Variants in SAMMSON observed in about 807,000 individuals in gnomAD.
SAMMSON encodes long intergenic non-protein coding RNA 1212.
chr3:70,033,110 C>T (rs1410940411), intron 3 of SAMMSON, among the ~76,000 whole-genome samples: 1 of 152,066 alleles, frequency 6.6e-6, no homozygotes, highest in East Asian at 1.9e-4. Flanking sequence ...GGGATGGAAG[C>T]CAATTGACTT....
chr3:70,208,512 T>A (rs988383749), intron 4 of SAMMSON, among the ~76,000 whole-genome samples: 12 of 152,084 alleles, frequency 7.9e-5, no homozygotes, highest in Non-Finnish European at 1.3e-4. Flanking sequence ...TCAGAATTTT[T>A]AAAGCTCTGG....
At chr3:70,277,611 A>G (rs1201964145) in intron 6 of SAMMSON, among the ~76,000 whole-genome samples, 1 of 152,208 alleles carries the variant, frequency 6.6e-6, no homozygotes, top group African/African-American at 2.4e-5. Flanking sequence ...GTCATACTTC[A>G]AAACTGCTAC....
intron 4 of SAMMSON, among the ~76,000 whole-genome samples, chr3:70,154,866 C>A (rs551446374): frequency 6.6e-6 from 1 of 151,938 alleles, no homozygotes; most frequent in Admixed American, 6.6e-5. Flanking sequence ...TCCCCAGGGA[C>A]AACTTAAATA....
chr3:70,276,770 G>A (rs1282116160), intron 6 of SAMMSON, among the ~76,000 whole-genome samples: 1 of 152,148 alleles, frequency 6.6e-6, no homozygotes, highest in Non-Finnish European at 1.5e-5. Flanking sequence ...TGGCAGAATT[G>A]AATAGTTGTG....
intron 4 of SAMMSON, among the ~76,000 whole-genome samples, chr3:70,215,777 A>T (rs2106732778): frequency 6.6e-6 from 1 of 152,240 alleles, no homozygotes; most frequent in Middle Eastern, 3.4e-3. Flanking sequence ...CAAGTAATAA[A>T]TACATTTTAG....
At chr3:70,024,985 G>A (rs2067031770) in intron 3 of SAMMSON, 1 of 152,174 alleles carries the variant, frequency 6.6e-6, no homozygotes, top group Admixed American at 6.5e-5. Context: ...CATTCTTGGT[G>A]AAAGGGGAGA....
At chr3:70,114,276 G>A (rs1005986783) in intron 4 of SAMMSON, among the ~76,000 whole-genome samples, 8 of 152,148 alleles carry the variant, frequency 5.3e-5, no homozygotes, top group African/African-American at 1.9e-4. Context: ...GTTTTGTGGA[G>A]CATTGCAATG....
At chr3:70,083,856 AT>A (rs1375863477) in intron 4 of SAMMSON, among the ~76,000 whole-genome samples, 1 of 151,928 alleles carries the variant, frequency 6.6e-6, no homozygotes, top group Non-Finnish European at 1.5e-5. Context: ...TGCATGATTC[AT>A]TTTGTTGTCT....
At chr3:70,246,381 A>G (rs1701708621) in intron 4 of SAMMSON, among the ~76,000 whole-genome samples, 1 of 152,110 alleles carries the variant, frequency 6.6e-6, no homozygotes, top group Non-Finnish European at 1.5e-5. Flanking sequence ...TTGTAAACAC[A>G]AGACCAAGTA....
At position 70,312,032 on chromosome 3, in the gene SAMMSON, T is replaced by C. The variant is rs1222066471; in HGVS notation, n.739+20789T>C. ...TCATTAAGAACCCAAATTTATAACA[T>C]CGAGTTTTATATTTAGAAACTACTG... On this transcript the variant is annotated intron_variant and non_coding_transcript_variant, in intron 7 of 9. Coordinates refer to ENST00000642114, the Ensembl canonical transcript of SAMMSON. The C allele has an allele frequency of 1.0e-5, 4 of 396,694 alleles. No homozygotes were observed. In the East Asian group the frequency reaches 1.1e-4, roughly 11 times the overall value. 24.6% of individuals were successfully genotyped at this position (396,694 alleles called of 1,614,324 possible). A position where few individuals can be genotyped will look rare whatever the true frequency, so the allele number is the denominator to read the frequency against.
At chr3:70,216,454 CAT>C (rs1178004145) in intron 4 of SAMMSON, among the ~76,000 whole-genome samples, 1 of 151,910 alleles carries the variant, frequency 6.6e-6, no homozygotes, top group Non-Finnish European at 1.5e-5. Context: ...CCATTTTTCA[CAT>C]GAGGACACAG....
At chr3:70,049,104 A>G (rs1307021545) in intron 3 of SAMMSON, among the ~76,000 whole-genome samples, 2 of 152,192 alleles carry the variant, frequency 1.3e-5, no homozygotes, top group African/African-American at 2.4e-5. Flanking sequence ...TCATATATTT[A>G]TTCTTTGATC....
chr3:70,125,431 C>CT (rs2106670089), intron 4 of SAMMSON: 2 of 1,043,594 alleles, frequency 1.9e-6, no homozygotes, highest in Non-Finnish European at 2.9e-6. Flanking sequence ...AAATTCTGTC[C>CT]TTTTCCAATT....
At chr3:70,425,448 G>A (rs1364699696) in intron 2 of SAMMSON, among the ~76,000 whole-genome samples, 1 of 151,736 alleles carries the variant, frequency 6.6e-6, no homozygotes, top group Non-Finnish European at 1.5e-5. Context: ...GTCTCACTCT[G>A]TCGCCCAGGC....
intron 4 of SAMMSON, among the ~76,000 whole-genome samples, chr3:70,140,878 T>G (rs2067525126): frequency 6.6e-6 from 1 of 152,190 alleles, no homozygotes; most frequent in South Asian, 2.1e-4. Flanking sequence ...ATTGTCCATA[T>G]TTCTACCAAC....
At chr3:70,154,514 G>A (rs1190260039) in intron 4 of SAMMSON, among the ~76,000 whole-genome samples, 3 of 152,000 alleles carry the variant, frequency 2.0e-5, no homozygotes, top group African/African-American at 7.2e-5. Flanking sequence ...GAATTGATCT[G>A]GGGTTGGGTC....
chr3:70,202,754 T>C (rs1030000233), intron 4 of SAMMSON, among the ~76,000 whole-genome samples: 3 of 152,126 alleles, frequency 2.0e-5, no homozygotes, highest in African/African-American at 7.2e-5. Context: ...ATGGAGGCTG[T>C]GATGAGCAAA....
At chr3:70,123,687 G>GA (rs1386376428) in intron 4 of SAMMSON, among the ~76,000 whole-genome samples, 2 of 151,708 alleles carry the variant, frequency 1.3e-5, no homozygotes, top group Non-Finnish European at 2.9e-5. Context: ...CTTTGTCACT[G>GA]CTCACATGTC....
At chr3:70,098,825 A>T (rs1034462286) in intron 4 of SAMMSON, among the ~76,000 whole-genome samples, 2 of 151,508 alleles carry the variant, frequency 1.3e-5, no homozygotes, top group African/African-American at 4.9e-5. Flanking sequence ...GTAGTAAAAA[A>T]CCCTTCTCTT....
Sources: gnomAD v4.1 joint callset for allele counts (sites outside exome capture counted in the v4.1 genomes callset) on GRCh38, gnomAD v4.1.1 for gene constraint, MANE v1.5 for transcripts, NCBI Gene and HGNC (gene_info 2026-07-23, HGNC 2026-07-21) for gene names.